The following FAM184B variants were observed in gnomAD, a reference collection of about 807,000 sequenced individuals.
FAM184B encodes the protein protein FAM184B.
FAM184B carries 111 observed loss-of-function variants against 135.9 expected under a neutral mutation model. The ratio of observed to expected loss-of-function variants is 0.82; its 90% CI spans 0.70 to 0.96. The LOEUF (loss-of-function observed/expected upper bound fraction) is 0.96. Ranked by LOEUF, FAM184B falls within the 40% of genes least tolerant of loss-of-function variation. FAM184B has a pLI of 0.00. For synonymous variants in FAM184B, 552 were observed against 524.8 expected (o/e 1.05, Z -0.71); for missense variants, 1,375 against 1,323.9 (o/e 1.04, Z -0.60).
intron 7 of FAM184B, among the ~76,000 whole-genome samples, chr4:17,673,770 G>C (rs1473089198): frequency 6.6e-6 from 1 of 152,078 alleles, no homozygotes; most frequent in Non-Finnish European, 1.5e-5. Context: ...AGGAGGAAAG[G>C]TTGGGAAGGG....
At position 17,632,899 on chromosome 4, in the gene FAM184B, T is replaced by A. The variant is rs182120675; in HGVS notation, c.3090-274A>T. 2.1e-3 allele frequency: 577 copies of A among 270,856 alleles called. 1 individual carries two copies. Among genetic ancestry groups the A allele is most frequent in the Middle Eastern group, 5.2e-3 (4 of 768 alleles). 16.8% of individuals were successfully genotyped at this position (270,856 alleles called of 1,614,324 possible). On this transcript the variant is annotated intron_variant, in intron 17 of 17. Coordinates refer to ENST00000265018, the MANE Select transcript of FAM184B (RefSeq NM_015688.2). The stretch of plus-strand genomic sequence containing the variant: ...GGTTGTAGCTCTAATAATGCAGGAT[T>A]AACCAAACCTACAGATCAAGAGACT...
chr4:17,732,846 A>G (rs1325769421), intron 1 of FAM184B, among the ~76,000 whole-genome samples: 6 of 152,220 alleles, frequency 3.9e-5, no homozygotes, highest in Non-Finnish European at 8.8e-5. Flanking sequence ...TGAGGCCAGC[A>G]TCATCCTGAT....
chr4:17,647,763 C>T lies in FAM184B; in HGVS notation c.2220G>A (p.Gln740=). The T allele has an allele frequency of 6.4e-7, 1 of 1,550,726 alleles. No individual in the cohort carries two copies. The highest frequency in any genetic ancestry group is 8.7e-7 in the Non-Finnish European group (1 of 1,146,954). The change falls in exon 12 of 18, where the codon CAG becomes CAA. Residue 740 remains glutamine, a synonymous_variant. Transcript: ENST00000265018. ...TCTGGTGCCCAGAACAGGCAGCTTG[C>T]TGCTCCGACAGCTCCTGTCTGAGCG... The part of the protein sequence containing the change: ...LESLRQELSE[Q]QAACSGHQKD...
chr4:17,664,470 T>C, intron 8 of FAM184B, 92 bp downstream of exon 8: 1 of 1,015,044 alleles, frequency 9.9e-7, no homozygotes, highest in Admixed American at 2.3e-5. Context: ...CAGTGATAAA[T>C]ACTTGAGGAT....
Position 17,674,978 on chromosome 4 carries a change from ACT to A in FAM184B, c.1597-10321_1597-10320del, listed in dbSNP as rs1393608367. Among the ~76,000 whole-genome samples, 11 of 151,868 alleles carry A rather than the reference ACT, an allele frequency of 7.2e-5. No homozygotes were observed. In the East Asian group the frequency reaches 1.7e-3, roughly 24 times the overall value. ...GAGGGTTGGAATCAATTTCTTTCAAACTCTTATTGTTGTTTTTTATCTCCTCC... is the reference window on the plus strand; with the variant it reads ...GAGGGTTGGAATCAATTTCTTTCAAACTTATTGTTGTTTTTTATCTCCTCC... On this transcript the variant is annotated intron_variant, in intron 7 of 17. Transcript: ENST00000265018.
At chr4:17,708,423 T>A (rs1199235629) in intron 2 of FAM184B, among the ~76,000 whole-genome samples, 1 of 151,552 alleles carries the variant, frequency 6.6e-6, no homozygotes, top group Non-Finnish European at 1.5e-5. Flanking sequence ...AGCAGGCGGA[T>A]CACCTGAGGT....
At chr4:17,693,858 T>A (rs1246250860) in intron 5 of FAM184B, among the ~76,000 whole-genome samples, 1 of 152,180 alleles carries the variant, frequency 6.6e-6, no homozygotes, top group African/African-American at 2.4e-5. Flanking sequence ...ACGCCTGTAA[T>A]CCCAGCACTT....
chr4:17,722,296 T>C (rs188740151), intron 1 of FAM184B, among the ~76,000 whole-genome samples: 174 of 152,278 alleles, frequency 1.1e-3, no homozygotes, highest in African/African-American at 4.0e-3. Flanking sequence ...GAGGACTAAC[T>C]AAACCGCCAG....
At chr4:17,725,947 A>C (rs1717629869) in intron 1 of FAM184B, among the ~76,000 whole-genome samples, 1 of 150,880 alleles carries the variant, frequency 6.6e-6, no homozygotes, top group Non-Finnish European at 1.5e-5. Flanking sequence ...TTTTTGTGAC[A>C]GAGTCTTGCT....
At chr4:17,647,889 G>A in intron 11 of FAM184B, 98 bp from the exon 12 acceptor site, 1 of 1,383,052 alleles carries the variant, frequency 7.2e-7, no homozygotes, top group Non-Finnish European at 9.7e-7. Flanking sequence ...GATGACGTGG[G>A]TGGCTGCTGA....
chr4:17,692,184 G>A (rs1026615039), intron 6 of FAM184B, among the ~76,000 whole-genome samples: 1 of 152,124 alleles, frequency 6.6e-6, no homozygotes, highest in African/African-American at 2.4e-5. Context: ...AGGAAGAGAT[G>A]GAGGGAGGGA....
intron 1 of FAM184B, among the ~76,000 whole-genome samples, chr4:17,739,121 G>C (rs2108982127): frequency 6.6e-6 from 1 of 152,338 alleles, no homozygotes; most frequent in Admixed American, 6.5e-5. Flanking sequence ...AATGAAGATA[G>C]CAGCTTGACT....
intron 6 of FAM184B, among the ~76,000 whole-genome samples, chr4:17,690,836 A>T (rs553357918): frequency 6.6e-6 from 1 of 152,264 alleles, no homozygotes; most frequent in Admixed American, 6.5e-5. Context: ...CGTAGGACCC[A>T]CAGGACTTGA....
At chr4:17,720,419 G>A (rs1717494171) in intron 1 of FAM184B, among the ~76,000 whole-genome samples, 2 of 152,114 alleles carry the variant, frequency 1.3e-5, no homozygotes, top group South Asian at 4.1e-4. Context: ...TTAATCATTA[G>A]GGAAATGCAA....
In FAM184B at chr4:17,737,200, C is replaced by A. The variant is rs114186564; in HGVS notation, c.142-27556G>T. 5.3e-3 allele frequency among the ~76,000 whole-genome samples: 804 copies of A among 151,634 alleles called. 8 individuals carry two copies. Among genetic ancestry groups the A allele is most frequent in the African/African-American group, 0.018 (760 of 41,382 alleles). ...GATGGCTGTTTCCTCCATGCCAGTA[C>A]CTCAGGACATTAAAATTAGAGCTTG... On this transcript the variant is annotated intron_variant, in intron 1 of 17. Transcript: ENST00000265018.
intron 1 of FAM184B, among the ~76,000 whole-genome samples, chr4:17,716,249 C>A (rs1056857538): frequency 3.3e-5 from 5 of 152,202 alleles, no homozygotes; most frequent in African/African-American, 1.2e-4. Flanking sequence ...TGTACTTACT[C>A]TTACCACATC....
intron 7 of FAM184B, among the ~76,000 whole-genome samples, chr4:17,687,639 G>A (rs1271336426): frequency 6.6e-6 from 1 of 152,188 alleles, no homozygotes; most frequent in Non-Finnish European, 1.5e-5. Context: ...TAAGAAGGCT[G>A]TGTGAAGGCA....
At chr4:17,666,939 T>TTTTTTTTG (rs377648114) in intron 7 of FAM184B, among the ~76,000 whole-genome samples, 2 of 151,822 alleles carry the variant, frequency 1.3e-5, no homozygotes, top group South Asian at 4.2e-4. Context: ...ACACCCACTT[T>TTTTTTTTG]TTTTTTTGTT....
intron 5 of FAM184B, among the ~76,000 whole-genome samples, chr4:17,699,255 A>G (rs1716931409): frequency 6.6e-6 from 1 of 151,618 alleles, no homozygotes; most frequent in African/African-American, 2.4e-5. Flanking sequence ...AACCTCAATG[A>G]CTTGTGGGAC....
Sources: gnomAD v4.1 joint callset for allele counts (sites outside exome capture counted in the v4.1 genomes callset) on GRCh38, gnomAD v4.1.1 for gene constraint, MANE v1.5 for transcripts, NCBI Gene and HGNC (gene_info 2026-07-23, HGNC 2026-07-21) for gene names.